Variants in CRACR2A observed in about 807,000 individuals in gnomAD.
CRACR2A encodes EF-hand calcium-binding domain-containing protein 4B.
CRACR2A carries 79 observed loss-of-function variants against 90.5 expected under a neutral mutation model. That is an observed-to-expected ratio of 0.87 (90% CI 0.73 to 1.05). CRACR2A has a LOEUF of 1.05. Ranked by LOEUF, CRACR2A falls within the 50% of genes least tolerant of loss-of-function variation. The pLI is 0.00. For missense variants in CRACR2A, 823 were observed against 897.2 expected (o/e 0.92, Z 1.06); for synonymous variants, 338 against 356.7 (o/e 0.95, Z 0.59).
chr12:3,668,036 C>T (rs1195379149), intron 7 of CRACR2A, among the ~76,000 whole-genome samples: 1 of 152,188 alleles, frequency 6.6e-6, no homozygotes, highest in Non-Finnish European at 1.5e-5. Context: ...ATAAAGCAAA[C>T]CATTTTTTAT....
chr12:3,633,854 C>G lies in CRACR2A; in HGVS notation c.1603-118G>C, dbSNP rs988723786. 2 of 1,368,308 alleles carry G rather than the reference C, an allele frequency of 1.5e-6. No homozygotes were observed. The highest frequency in any genetic ancestry group is 2.0e-6 in the Non-Finnish European group (2 of 1,009,958). The allele number at this position is 1,368,308 out of a possible 1,614,324, so 84.8% of individuals were successfully genotyped here. ...GCCCTCAGGAGGTGCAGACCGGCCT[C>G]TAGACCTGCACCAGGAGGCTGCCAC... On this transcript the variant is annotated intron_variant, in intron 14 of 19. Coordinates refer to ENST00000440314, the MANE Select transcript of CRACR2A (RefSeq NM_001144958.2). This position sits in a 1 kb window ranked among gnomAD's most constrained non-coding sequence, Gnocchi z 4.5.
chr12:3,737,653 T>C (rs1946466577), intron 1 of CRACR2A, among the ~76,000 whole-genome samples: 1 of 151,830 alleles, frequency 6.6e-6, no homozygotes, highest in Non-Finnish European at 1.5e-5. Context: ...TAGAGCTATT[T>C]AGAGGTGGAA....
At chr12:3,735,982 A>G (rs1946443800) in intron 1 of CRACR2A, among the ~76,000 whole-genome samples, 1 of 152,178 alleles carries the variant, frequency 6.6e-6, no homozygotes, top group African/African-American at 2.4e-5. Flanking sequence ...CAAAAGCCAG[A>G]GGGCAAGACA....
chr12:3,707,159 G>A (rs920956199), intron 3 of CRACR2A, among the ~76,000 whole-genome samples: 1 of 152,034 alleles, frequency 6.6e-6, no homozygotes, highest in South Asian at 2.1e-4. Flanking sequence ...GGATGGAGGT[G>A]CATTTGACTG....
chr12:3,682,252 G>A (rs759570702), intron 4 of CRACR2A, among the ~76,000 whole-genome samples: 5 of 152,118 alleles, frequency 3.3e-5, no homozygotes, highest in Non-Finnish European at 5.9e-5. Flanking sequence ...GTGGTCTCTC[G>A]CACTGGGCTG....
At chr12:3,634,989 T>C (rs1944433354) in intron 14 of CRACR2A, among the ~76,000 whole-genome samples, 1 of 152,212 alleles carries the variant, frequency 6.6e-6, no homozygotes, top group South Asian at 2.1e-4. Flanking sequence ...TATTTGAGAC[T>C]AAAACTCAAT....
At chr12:3,713,382 T>C (rs1946035802) in intron 2 of CRACR2A, 65 bp from the exon 3 acceptor site, 1 of 890,866 alleles carries the variant, frequency 1.1e-6, no homozygotes, top group Admixed American at 6.2e-5. Flanking sequence ...AGAAGTGGCT[T>C]TATAGCAATT....
intron 15 of CRACR2A, among the ~76,000 whole-genome samples, chr12:3,627,959 T>A (rs913887012): frequency 5.3e-5 from 8 of 152,044 alleles, no homozygotes; most frequent in African/African-American, 1.9e-4. Context: ...CACTCTGAAC[T>A]GTGGGCTCTT....
chr12:3,623,018 A>T (rs1198413142), intron 17 of CRACR2A, among the ~76,000 whole-genome samples: 1 of 152,232 alleles, frequency 6.6e-6, no homozygotes, highest in Admixed American at 6.5e-5. Flanking sequence ...GAAGTGGGCC[A>T]GGACCCCTTG....
At chr12:3,643,001 T>C (rs182175120) in intron 12 of CRACR2A, among the ~76,000 whole-genome samples, 8 of 152,286 alleles carry the variant, frequency 5.3e-5, no homozygotes, top group African/African-American at 1.4e-4. Flanking sequence ...CCCACAGAAG[T>C]TCTTAATTCC....
chr12:3,686,282 A>G (rs1945551679), intron 4 of CRACR2A, among the ~76,000 whole-genome samples: 1 of 152,204 alleles, frequency 6.6e-6, no homozygotes, highest in Non-Finnish European at 1.5e-5. Flanking sequence ...GGTCTTTGTC[A>G]CATCTACTTC....
chr12:3,696,775 C>A lies in CRACR2A; in HGVS notation c.225G>T (p.Met75Ile). 1 of 1,614,194 alleles carries A rather than the reference C, an allele frequency of 6.2e-7. No individual in the cohort carries two copies. Among genetic ancestry groups the A allele is most frequent in the South Asian group, 1.1e-5 (1 of 91,082 alleles). The change falls in exon 4 of 20, where the codon ATG becomes ATT. Residue 75 changes from methionine to isoleucine, a missense_variant. By Grantham distance (10) the Met-to-Ile change is conservative. Coordinates refer to ENST00000440314, the MANE Select transcript of CRACR2A (RefSeq NM_001144958.2). ...EGKGFIARKD[M>I]QRLHKELPLS... ...GCCTACCTGGGACCCCACTTACCTG[C>A]ATATCCTTCCTGGCGATGAAGCCCT... is the stretch of plus-strand genomic sequence containing the variant.
rs543369124 is a variant in CRACR2A, at chr12:3,686,244, T to G, written c.229-5895A>C. Among the ~76,000 whole-genome samples, 12 of 152,240 alleles carry G rather than the reference T, an allele frequency of 7.9e-5. 1 individual carries two copies. Among genetic ancestry groups the G allele is most frequent in the African/African-American group, 2.9e-4 (12 of 41,530 alleles). On this transcript the variant is annotated intron_variant, in intron 4 of 19. Transcript: ENST00000440314. The stretch of plus-strand genomic sequence containing the variant: ...GCTTTTTCTGAAAACAGCCAGGGAG[T>G]GCATATTCTAGGTTTTGTGGACCAT...
chr12:3,667,117 C>T (rs1285602074), intron 7 of CRACR2A, among the ~76,000 whole-genome samples: 1 of 152,162 alleles, frequency 6.6e-6, no homozygotes, highest in Non-Finnish European at 1.5e-5. Context: ...AGGAGAATCC[C>T]TCCTCCCCAT....
chr12:3,674,069 C>T (rs894084694), intron 6 of CRACR2A, among the ~76,000 whole-genome samples: 4 of 152,140 alleles, frequency 2.6e-5, no homozygotes, highest in East Asian at 1.9e-4. Flanking sequence ...GAGCCCAGTG[C>T]GTTTAAGGAC....
rs373563045 is a variant in CRACR2A at position 3,633,708 on chromosome 12, C to T, written c.1631G>A (p.Arg544Gln). 7.8e-5 allele frequency: 121 copies of T among 1,551,612 alleles called. No individual in the cohort carries two copies. Among genetic ancestry groups the T allele is most frequent in the Non-Finnish European group, 1.0e-4 (115 of 1,147,006 alleles). ...KEESSPSAPD[R>Q]LFKIVFVGNS... ...GCCCACGAACACAATCTTGAAGAGCCGGTCAGGGGCAGAGGGAGAGCTTTC... is the reference window on the plus strand; with the variant it reads ...GCCCACGAACACAATCTTGAAGAGCTGGTCAGGGGCAGAGGGAGAGCTTTC... The change falls in exon 15 of 20, where the codon CGG (arginine) becomes CAG (glutamine). Residue 544 changes from arginine (R) to glutamine (Q), a missense_variant. Coordinates refer to ENST00000440314, the MANE Select transcript of CRACR2A (RefSeq NM_001144958.2). The surrounding 1 kb of genome is among the most constrained non-coding windows in gnomAD (Gnocchi z 4.5).
chr12:3,671,763 CTAA>C (rs780541948), intron 7 of CRACR2A, among the ~76,000 whole-genome samples: 4 of 152,204 alleles, frequency 2.6e-5, no homozygotes, highest in Non-Finnish European at 5.9e-5. Flanking sequence ...ATTTAAAATA[CTAA>C]TAATTATTAT....
intron 7 of CRACR2A, 151 bp downstream of exon 7, chr12:3,673,295 T>C: frequency 1.1e-6 from 1 of 885,458 alleles, no homozygotes; most frequent in Non-Finnish European, 1.7e-6. Flanking sequence ...AATACATATA[T>C]CGTGACAGAC....
At chr12:3,651,282 C>G (rs767171506) in intron 10 of CRACR2A, among the ~76,000 whole-genome samples, 6 of 152,240 alleles carry the variant, frequency 3.9e-5, no homozygotes, top group Non-Finnish European at 4.4e-5. Flanking sequence ...TGTATGCATG[C>G]GTGTGCACGT....
Sources: gnomAD v4.1 joint callset for allele counts (sites outside exome capture counted in the v4.1 genomes callset) on GRCh38, gnomAD v4.1.1 for gene constraint, Gnocchi (gnomAD v3.1) non-coding constraint, MANE v1.5 for transcripts, NCBI Gene and HGNC (gene_info 2026-07-23, HGNC 2026-07-21) for gene names.